LGI2: variants seen among roughly 807,000 people sequenced by gnomAD.
LGI2 encodes the protein leucine rich repeat LGI family member 2.
A neutral mutation model predicts 52.0 loss-of-function variants in LGI2; 30 were observed. The observed-to-expected ratio is 0.58, with a 90% CI of 0.43 to 0.78. The LOEUF (loss-of-function observed/expected upper bound fraction) is 0.78. LGI2 is among the 30% of genes least tolerant of loss of function. The probability of loss-of-function intolerance (pLI) is 0.00; values close to 1 mark genes in which losing one functional copy is unlikely to be tolerated. For synonymous variants in LGI2, 270 were observed against 271.8 expected (o/e 0.99, Z 0.06); for missense variants, 573 against 692.5 (o/e 0.83, Z 1.94).
chr4:25,011,009 G>A (rs1725563367), intron 7 of LGI2, among the ~76,000 whole-genome samples: 1 of 151,484 alleles, frequency 6.6e-6, no homozygotes, highest in South Asian at 2.1e-4. Flanking sequence ...TTGAGCCCAG[G>A]AGTTCCAGGT....
intron 7 of LGI2, 143 bp downstream of exon 7, chr4:25,012,192 A>G (rs1434245444): frequency 2.3e-6 from 2 of 858,172 alleles, no homozygotes. Context: ...GGAGAGACCC[A>G]GAGGGAAGGC....
intron 6 of LGI2, 129 bp downstream of exon 6, chr4:25,017,860 A>ACCCAGCACTTTGGGAGGCCG (rs1725824428): frequency 1.2e-6 from 1 of 869,328 alleles, no homozygotes; most frequent in South Asian, 4.3e-5. Context: ...TAGAATGTTT[A>ACCCAGCACTTTGGGAGGCCG]AAATTTCTCT....
chr4:25,019,743 C>A (rs911904861), intron 4 of LGI2, among the ~76,000 whole-genome samples: 1 of 152,216 alleles, frequency 6.6e-6, no homozygotes, highest in Non-Finnish European at 1.5e-5. Flanking sequence ...AATTCCATTG[C>A]CTCCTTTGGG....
chr4:24,998,614 C>G (rs1487693382), downstream of LGI2, among the ~76,000 whole-genome samples: 1 of 152,096 alleles, frequency 6.6e-6, no homozygotes, highest in Non-Finnish European at 1.5e-5. Flanking sequence ...TATAATTCCA[C>G]AGATCAGGCA....
At chr4:25,008,582 T>G (rs989697711) in intron 7 of LGI2, among the ~76,000 whole-genome samples, 1 of 150,226 alleles carries the variant, frequency 6.7e-6, no homozygotes, top group Non-Finnish European at 1.5e-5. Context: ...AAAATCCTTA[T>G]AGTATTTCCC....
chr4:25,029,943 G>A (rs1030099415), intron 1 of LGI2, among the ~76,000 whole-genome samples: 2 of 152,188 alleles, frequency 1.3e-5, no homozygotes, highest in Non-Finnish European at 2.9e-5. Context: ...AACCTGCAAT[G>A]TGGAGAAGTC....
downstream of LGI2, among the ~76,000 whole-genome samples, chr4:24,996,065 G>C (rs537283379): frequency 1.3e-5 from 2 of 152,104 alleles, no homozygotes; most frequent in African/African-American, 4.8e-5. Flanking sequence ...CAGAGGCAGC[G>C]TTTGGATGGT....
At chr4:25,029,640 C>T (rs1726260638) in intron 1 of LGI2, among the ~76,000 whole-genome samples, 1 of 152,210 alleles carries the variant, frequency 6.6e-6, no homozygotes, top group African/African-American at 2.4e-5. Flanking sequence ...GCTTGAGTGG[C>T]CAGGTGAGGG....
chr4:24,998,541 C>T (rs1311397213), downstream of LGI2, among the ~76,000 whole-genome samples: 2 of 152,206 alleles, frequency 1.3e-5, no homozygotes, highest in Admixed American at 6.5e-5. Context: ...TCACTTCCTC[C>T]TTACCTTGTA....
At chr4:25,017,541 CAAAAAA>C (rs66740392) in intron 6 of LGI2, among the ~76,000 whole-genome samples, 2 of 53,248 alleles carry the variant, frequency 3.8e-5, no homozygotes, top group Admixed American at 2.8e-4. Flanking sequence ...GACTCTGCCT[CAAAAAA>C]AAAAAAAAAA....
intron 5 of LGI2, among the ~76,000 whole-genome samples, chr4:25,018,427 T>C (rs1440523805): frequency 1.3e-5 from 2 of 152,198 alleles, no homozygotes; most frequent in East Asian, 3.8e-4. Context: ...TCTCTCCAAA[T>C]GCTCTCGTCT....
chr4:25,028,399 C>G lies in LGI2; in HGVS notation c.269+108G>C, dbSNP rs1261693705. The G allele has an allele frequency of 3.1e-6, 3 of 968,268 alleles. No homozygotes were observed. The Admixed American group carries it at 6.2e-5, about 20-fold the overall frequency. The allele number at this position is 968,268 out of a possible 1,614,324, so 60.0% of individuals were successfully genotyped here. On this transcript the variant is annotated intron_variant, in intron 2 of 7. Transcript: ENST00000382114. The stretch of plus-strand genomic sequence containing the variant: ...CCAAGAGGCAGCCACGGTCTCCTCA[C>G]GGAGCTGGGGTACTTTAGGAAGGGC...
At chr4:25,028,619 T>C in intron 1 of LGI2, 41 bp from the exon 2 acceptor site, 1 of 1,563,350 alleles carries the variant, frequency 6.4e-7, no homozygotes, top group Non-Finnish European at 8.7e-7. Context: ...TAGGTTTCTT[T>C]TAGGAAGTGC....
chr4:25,027,912 T>A (rs957155024), intron 2 of LGI2, among the ~76,000 whole-genome samples: 1 of 152,180 alleles, frequency 6.6e-6, no homozygotes, highest in Non-Finnish European at 1.5e-5. Context: ...GGAGATGGGA[T>A]GAGGAATAGT....
intron 7 of LGI2, among the ~76,000 whole-genome samples, chr4:25,007,520 C>T (rs114093735): frequency 3.3e-5 from 5 of 151,782 alleles, no homozygotes; most frequent in Non-Finnish European, 7.4e-5. Flanking sequence ...ATTCCTTTCC[C>T]GGCTCTGTAA....
At chr4:25,023,488 T>C (rs982782340) in intron 4 of LGI2, among the ~76,000 whole-genome samples, 3 of 152,232 alleles carry the variant, frequency 2.0e-5, no homozygotes, top group Admixed American at 6.5e-5. Flanking sequence ...AGGCTTTAAC[T>C]TAGGCAGAGC....
intron 4 of LGI2, among the ~76,000 whole-genome samples, 199 bp from the exon 5 acceptor site, chr4:25,019,437 A>G (rs1725880514): frequency 6.6e-6 from 1 of 152,140 alleles, no homozygotes; most frequent in Admixed American, 6.5e-5. Flanking sequence ...TTTTTACAAA[A>G]AGCACTTTTT....
At position 25,026,910 on chromosome 4, in the gene LGI2, A is replaced by T; in HGVS notation, c.299T>A (p.Ile100Asn). 6.2e-7 allele frequency: 1 copy of T among 1,613,794 alleles called. No individual in the cohort carries two copies. The highest frequency in any genetic ancestry group is 8.5e-7 in the Non-Finnish European group (1 of 1,179,664). ...LLLNSNSFTI[I>N]RDDAFAGLFH... ...AAGTCCAGCAAAAGCATCATCCCGG[A>T]TGATCGTGAATGAGTTAGAATTCAG... Residue 100 changes from isoleucine to asparagine, a missense_variant, in exon 3 of 8, where the codon ATC (isoleucine) becomes AAC (asparagine). By Grantham distance (149) the Ile-to-Asn change is moderately radical. Transcript: ENST00000382114.
At position 25,003,992 on chromosome 4, in the gene LGI2, G is replaced by T. The variant is rs370642996; in HGVS notation, c.1097C>A (p.Ser366Ter). ...WNSKGFYSYQ[S>*]LHEWFRDTDA... ...CGTGTCCCTGAACCACTCGTGCAGTGACTGGTAAGAATAGAATCCTTTGCT... is the reference window on the plus strand; with the variant it reads ...CGTGTCCCTGAACCACTCGTGCAGTTACTGGTAAGAATAGAATCCTTTGCT... The change falls in exon 8 of 8, where the codon TCA (serine) becomes TAA (stop). Residue 366 changes from serine (S) to a stop codon, truncating the protein, a stop_gained. Transcript: ENST00000382114. LOFTEE classifies it high-confidence loss of function. 1 of 1,614,070 alleles carries T rather than the reference G, an allele frequency of 6.2e-7. No individual in the cohort carries two copies. Among genetic ancestry groups the T allele is most frequent in the African/African-American group, 1.3e-5 (1 of 74,924 alleles).
Sources: allele counts gnomAD v4.1 joint callset (sites outside exome capture counted in the v4.1 genomes callset), GRCh38; gene constraint gnomAD v4.1.1; transcripts MANE v1.5; gene names NCBI Gene and HGNC (gene_info 2026-07-23, HGNC 2026-07-21).